PTPRD: variants seen among roughly 807,000 people sequenced by gnomAD.
PTPRD encodes receptor-type tyrosine-protein phosphatase delta.
A neutral mutation model predicts 214.5 loss-of-function variants in PTPRD; 34 were observed. The observed-to-expected ratio is 0.16, with a 90% CI of 0.12 to 0.21. The LOEUF is 0.21. PTPRD is among the 10% of genes least tolerant of loss of function. The pLI, the probability that PTPRD is intolerant of heterozygous loss-of-function variation, is 1.00. For missense variants in PTPRD, 2,545 were observed against 2,398.7 expected (o/e 1.06, Z -1.27); for synonymous variants, 1,128 against 845.7 (o/e 1.33, Z -5.79).
intron 13 of PTPRD, among the ~76,000 whole-genome samples, chr9:8,633,912 C>G (rs140536022): frequency 6.6e-6 from 1 of 152,140 alleles, no homozygotes; most frequent in African/African-American, 2.4e-5. Context: ...CTAGTTTAAA[C>G]TGTCTCATCC....
At chr9:9,150,663 C>T (rs1173074252) in intron 10 of PTPRD, among the ~76,000 whole-genome samples, 5 of 151,648 alleles carry the variant, frequency 3.3e-5, no homozygotes, top group Non-Finnish European at 7.4e-5. Flanking sequence ...ATTTTCAGTA[C>T]AGACGGAGTT....
At chr9:10,281,437 G>A (rs545181517) in intron 3 of PTPRD, among the ~76,000 whole-genome samples, 1 of 151,764 alleles carries the variant, frequency 6.6e-6, no homozygotes, top group East Asian at 1.9e-4. Flanking sequence ...TTGCTTTATG[G>A]AAATGTCCAA....
intron 35 of PTPRD, among the ~76,000 whole-genome samples, chr9:8,406,556 C>A (rs959341527): frequency 5.9e-5 from 9 of 151,774 alleles, no homozygotes. Context: ...AAATTCCTAC[C>A]TATGCAGCTT....
At position 8,816,041 on chromosome 9, in the gene PTPRD, C is replaced by G. The variant is rs191664229; in HGVS notation, c.-103-82095G>C. Among the ~76,000 whole-genome samples the G allele has an allele frequency of 2.7e-3, 418 of 152,272 alleles. 2 individuals carry two copies. Among genetic ancestry groups the G allele is most frequent in the Non-Finnish European group, 2.0e-3 (133 of 68,030 alleles). Reference sequence around the variant, plus strand: ...TCTCAAATGTAAGCCTTAGGGTTTACAGCAATTCCAGAATACCAAACCACT... The same window carrying G: ...TCTCAAATGTAAGCCTTAGGGTTTAGAGCAATTCCAGAATACCAAACCACT... On this transcript the variant is annotated intron_variant, in intron 11 of 45. Coordinates refer to ENST00000381196, the MANE Select transcript of PTPRD (RefSeq NM_002839.4).
At chr9:10,177,376 C>T (rs752649141) in intron 3 of PTPRD, among the ~76,000 whole-genome samples, 1 of 150,678 alleles carries the variant, frequency 6.6e-6, no homozygotes, top group Non-Finnish European at 1.5e-5. Context: ...AACCAAGGGG[C>T]TATAACAAAT....
chr9:9,892,206 G>A (rs1290031075), intron 5 of PTPRD, among the ~76,000 whole-genome samples: 1 of 152,148 alleles, frequency 6.6e-6, no homozygotes, highest in Middle Eastern at 3.4e-3. Context: ...AAAGGAAAAT[G>A]TAGGAAGAAA....
At chr9:9,589,621 T>A (rs1486916074) in intron 7 of PTPRD, among the ~76,000 whole-genome samples, 1 of 152,074 alleles carries the variant, frequency 6.6e-6, no homozygotes, top group Non-Finnish European at 1.5e-5. Flanking sequence ...ACAATTAATA[T>A]TCACAAATAT....
chr9:10,138,186 T>G (rs570461365), intron 3 of PTPRD, among the ~76,000 whole-genome samples: 12 of 151,966 alleles, frequency 7.9e-5, no homozygotes, highest in Admixed American at 3.9e-4. Context: ...GTAACCACAA[T>G]TAGAAAAGAC....
intron 5 of PTPRD, among the ~76,000 whole-genome samples, chr9:9,820,643 C>A (rs1162410049): frequency 6.6e-6 from 1 of 152,050 alleles, no homozygotes; most frequent in Non-Finnish European, 1.5e-5. Context: ...TTTAATCCAT[C>A]TTGAGTTAAT....
chr9:9,381,676 G>GT (rs78854339), intron 9 of PTPRD, among the ~76,000 whole-genome samples: 68,639 of 149,214 alleles, frequency 0.46, 16,265 homozygotes, highest in African/African-American at 0.55. Flanking sequence ...AAAAGTGTTT[G>GT]TTTTTTTTTG....
rs149770866 is a variant in PTPRD at position 9,278,757 on chromosome 9, C to T, written c.-202-95394G>A. On this transcript the variant is annotated intron_variant, in intron 9 of 45. Transcript: ENST00000381196. Reference sequence around the variant, plus strand: ...CTCATCTAGAACATGCAGTTAATAACGTTTACTTTCAAGTGTTATTGTGAG... The same window carrying T: ...CTCATCTAGAACATGCAGTTAATAATGTTTACTTTCAAGTGTTATTGTGAG... Among the ~76,000 whole-genome samples, 512 of 151,388 alleles carry T rather than the reference C, an allele frequency of 3.4e-3. 4 individuals are homozygous for T. The highest frequency in any genetic ancestry group is 0.012 in the African/African-American group (493 of 41,420).
chr9:10,073,225 T>C (rs1458663640), intron 3 of PTPRD, among the ~76,000 whole-genome samples: 1 of 152,048 alleles, frequency 6.6e-6, no homozygotes, highest in Non-Finnish European at 1.5e-5. Context: ...AGTTGTGGGA[T>C]ACCAGGATGG....
intron 2 of PTPRD, among the ~76,000 whole-genome samples, chr9:10,412,661 CA>C (rs1565874447): frequency 1.3e-5 from 2 of 148,702 alleles, no homozygotes; most frequent in Admixed American, 6.7e-5. Flanking sequence ...CACACACACA[CA>C]CACCCCTTGA....
chr9:8,752,001 C>T (rs1398823369), intron 11 of PTPRD, among the ~76,000 whole-genome samples: 1 of 152,136 alleles, frequency 6.6e-6, no homozygotes, highest in Non-Finnish European at 1.5e-5. Context: ...CCCTGAGCCT[C>T]AAGAAACCCA....
At chr9:9,576,720 G>C (rs892302025) in intron 7 of PTPRD, among the ~76,000 whole-genome samples, 1 of 152,120 alleles carries the variant, frequency 6.6e-6, no homozygotes, top group Admixed American at 6.6e-5. Flanking sequence ...ACACAAATTA[G>C]AAGTTTTAAT....
intron 8 of PTPRD, among the ~76,000 whole-genome samples, chr9:9,471,277 T>C (rs1220298864): frequency 6.6e-6 from 1 of 152,194 alleles, no homozygotes; most frequent in Admixed American, 6.5e-5. Context: ...GATATTTCTA[T>C]GAATGAAGGC....
At chr9:10,225,697 G>T (rs1189523999) in intron 3 of PTPRD, among the ~76,000 whole-genome samples, 2 of 151,996 alleles carry the variant, frequency 1.3e-5, no homozygotes, top group African/African-American at 4.8e-5. Context: ...TTCATTAACT[G>T]TCGTATTCAT....
intron 9 of PTPRD, among the ~76,000 whole-genome samples, chr9:9,379,411 C>A (rs1183914722): frequency 1.3e-5 from 2 of 151,728 alleles, no homozygotes; most frequent in African/African-American, 4.8e-5. Flanking sequence ...TATTCTTCGT[C>A]CAATACCATG....
chr9:9,646,209 G>C (rs1462789471), intron 7 of PTPRD, among the ~76,000 whole-genome samples: 1 of 151,980 alleles, frequency 6.6e-6, no homozygotes, highest in Non-Finnish European at 1.5e-5. Context: ...ATATTTGTTT[G>C]TCTGTAGATT....
Sources: gnomAD v4.1 joint callset for allele counts (sites outside exome capture counted in the v4.1 genomes callset) on GRCh38, gnomAD v4.1.1 for gene constraint, MANE v1.5 for transcripts, NCBI Gene and HGNC (gene_info 2026-07-23, HGNC 2026-07-21) for gene names.